PCDH19: variants seen among roughly 807,000 people sequenced by gnomAD.
PCDH19 encodes protocadherin 19.
A neutral mutation model predicts 46.2 loss-of-function variants in PCDH19; 6 were observed. The ratio of observed to expected loss-of-function variants is 0.13; its 90% CI spans 0.07 to 0.26. The LOEUF (loss-of-function observed/expected upper bound fraction) is 0.26, where lower values mean the gene tolerates loss of function less well. PCDH19 is among the 10% of genes least tolerant of loss of function. PCDH19 has a pLI of 1.00. For missense variants in PCDH19, 740 were observed against 972.3 expected (o/e 0.76, Z 3.18); for synonymous variants, 481 against 415.7 (o/e 1.16, Z -1.91).
intron 5 of PCDH19, among the ~76,000 whole-genome samples, chrX:100,332,842 C>T (rs1602588704): frequency 9.3e-6 from 1 of 107,891 alleles, no homozygotes; most frequent in East Asian, 2.9e-4. Flanking sequence ...TAGCAAAATC[C>T]CGTCTCTACC....
intron 4 of PCDH19, among the ~76,000 whole-genome samples, chrX:100,345,960 A>G (rs1275284860): frequency 8.9e-6 from 1 of 112,355 alleles, no homozygotes; most frequent in African/African-American, 3.2e-5. Flanking sequence ...ACAAATAACA[A>G]TTTATGCCAG....
At chrX:100,393,891 C>T (rs947710643) in intron 3 of PCDH19, among the ~76,000 whole-genome samples, 5 of 112,252 alleles carry the variant, frequency 4.5e-5, no homozygotes, top group Non-Finnish European at 9.4e-5. Flanking sequence ...TGCAGCCAGG[C>T]GTAGTGGCTC....
At chrX:100,348,065 C>CAAAAAAAAA (rs1177957771) in intron 4 of PCDH19, among the ~76,000 whole-genome samples, 2 of 40,560 alleles carry the variant, frequency 4.9e-5, no homozygotes, top group Non-Finnish European at 4.1e-5. Flanking sequence ...GATTCCGTCT[C>CAAAAAAAAA]AAAAAAAAAA....
At chrX:100,339,266 T>A (rs1410843550) in intron 5 of PCDH19, among the ~76,000 whole-genome samples, 1 of 112,321 alleles carries the variant, frequency 8.9e-6, no homozygotes, top group African/African-American at 3.2e-5. Flanking sequence ...CCCATCACAC[T>A]GTCAATGAAC....
intron 5 of PCDH19, among the ~76,000 whole-genome samples, chrX:100,322,865 A>ATATATATTTATTTTTTTTT: frequency 1.8e-5 from 1 of 54,418 alleles, no homozygotes; most frequent in Non-Finnish European, 3.3e-5. Flanking sequence ...ATATATATAT[A>ATATATATTTATTTTTTTTT]TTTTTGCAGC....
At chrX:100,321,545 T>A (rs1925478269) in intron 5 of PCDH19, among the ~76,000 whole-genome samples, 3 of 111,641 alleles carry the variant, frequency 2.7e-5, no homozygotes, top group Non-Finnish European at 5.6e-5. Flanking sequence ...TTTTCATATG[T>A]TTGTTGGCCA....
intron 3 of PCDH19, among the ~76,000 whole-genome samples, chrX:100,368,138 T>C (rs769483512): frequency 9.0e-6 from 1 of 111,630 alleles, no homozygotes; most frequent in African/African-American, 3.2e-5. Context: ...TCCGAAGGGG[T>C]AGCTAATTAA....
chrX:100,371,355 T>C (rs920043837), intron 3 of PCDH19, among the ~76,000 whole-genome samples: 1 of 111,729 alleles, frequency 9.0e-6, no homozygotes, highest in Non-Finnish European at 1.9e-5. Context: ...AGTAATTATC[T>C]GTGTAATTAT....
intron 3 of PCDH19, among the ~76,000 whole-genome samples, chrX:100,386,155 A>C (rs754533503): frequency 9.0e-6 from 1 of 111,416 alleles, no homozygotes; most frequent in South Asian, 3.8e-4. Context: ...GGCACTGGTA[A>C]ATAAAAACAT....
intron 5 of PCDH19, among the ~76,000 whole-genome samples, chrX:100,313,293 T>C (rs1236751394): frequency 9.0e-6 from 1 of 111,271 alleles, no homozygotes; most frequent in Non-Finnish European, 1.9e-5. Flanking sequence ...AATGCCATGC[T>C]GTGGTGGGGG....
intron 3 of PCDH19, among the ~76,000 whole-genome samples, chrX:100,363,356 ATTTT>A (rs557501108): frequency 9.7e-6 from 1 of 102,700 alleles, no homozygotes; most frequent in African/African-American, 3.5e-5. Context: ...CTTCTAGGGG[ATTTT>A]TTTTTTTAGG....
chrX:100,394,757 T>A (rs1927969451), intron 3 of PCDH19, among the ~76,000 whole-genome samples: 1 of 112,269 alleles, frequency 8.9e-6, no homozygotes, highest in East Asian at 2.8e-4. Context: ...GCAAGTTGTT[T>A]AATTAAGTAA....
Position 100,407,728 on chromosome X carries a change from C to A in PCDH19, c.870G>T (p.Gln290His), listed in dbSNP as rs767393602. 8.2e-7 allele frequency: 1 copy of A among 1,212,389 alleles called. No individual in the cohort carries two copies. Among genetic ancestry groups the A allele is most frequent in the Admixed American group, 2.2e-5 (1 of 46,147 alleles). The change falls in exon 1 of 6, where the codon CAG becomes CAT. Residue 290 changes from glutamine to histidine, a missense_variant. Gln to His is a conservative substitution (Grantham distance 24). Transcript: ENST00000373034. ...TGACCAGGCCACTGTGCGGGTCGAT[C>A]TGAAAGAGCTCGCGCGTGCGGTCGT... ...YVNDRTRELF[Q>H]IDPHSGLVTV...
At chrX:100,373,295 C>T (rs1341644099) in intron 3 of PCDH19, among the ~76,000 whole-genome samples, 1 of 113,042 alleles carries the variant, frequency 8.8e-6, no homozygotes, top group Non-Finnish European at 1.9e-5. Context: ...GCCACCTCCC[C>T]CAGCCTCCTT....
intron 5 of PCDH19, among the ~76,000 whole-genome samples, chrX:100,330,006 T>C (rs1240703620): frequency 1.8e-5 from 2 of 112,721 alleles, no homozygotes; most frequent in Non-Finnish European, 3.7e-5. Context: ...TGCATATGAA[T>C]GATGGTTCAG....
At chrX:100,303,534 G>A (rs988770375) in intron 5 of PCDH19, among the ~76,000 whole-genome samples, 13 of 110,752 alleles carry the variant, frequency 1.2e-4, no homozygotes, top group South Asian at 3.9e-4. Flanking sequence ...GTTTACAGTC[G>A]TATTCTAAAG....
intron 3 of PCDH19, among the ~76,000 whole-genome samples, chrX:100,401,867 A>G (rs1278943595): frequency 9.0e-6 from 1 of 111,025 alleles, no homozygotes; most frequent in Non-Finnish European, 1.9e-5. Flanking sequence ...AAGTACTGGG[A>G]TTACAGGTGT....
intron 3 of PCDH19, among the ~76,000 whole-genome samples, chrX:100,393,726 G>A (rs1187312226): frequency 8.9e-6 from 1 of 112,172 alleles, no homozygotes; most frequent in Non-Finnish European, 1.9e-5. Context: ...GCTGGTGGCA[G>A]TGAGGGAGAG....
intron 3 of PCDH19, among the ~76,000 whole-genome samples, chrX:100,363,856 CGTGTGT>C (rs1555980282): frequency 1.1e-5 from 1 of 88,990 alleles, no homozygotes; most frequent in Non-Finnish European, 2.1e-5. Flanking sequence ...AATGTGCGTG[CGTGTGT>C]GTGTGTGTGT....
Sources: gnomAD v4.1 joint callset for allele counts (sites outside exome capture counted in the v4.1 genomes callset) on GRCh38, gnomAD v4.1.1 for gene constraint, MANE v1.5 for transcripts, NCBI Gene and HGNC (gene_info 2026-07-23, HGNC 2026-07-21) for gene names.